The following CNBD1 variants were observed in gnomAD, a reference collection of about 807,000 sequenced individuals.
CNBD1 encodes cyclic nucleotide-binding domain-containing protein 1.
In CNBD1, 71 loss-of-function variants were observed where a neutral mutation model predicts 54.4. The observed-to-expected ratio is 1.30, with a 90% confidence interval of 1.08 to 1.59. The LOEUF (loss-of-function observed/expected upper bound fraction) is 1.59. Ranked by LOEUF, CNBD1 falls within the 40% of genes most tolerant of loss-of-function variation. The pLI is 0.00. For synonymous variants in CNBD1, 182 were observed against 170.7 expected, an observed-to-expected ratio of 1.07 and a Z score of -0.51; for missense variants, 659 against 518.0, an observed-to-expected ratio of 1.27 and a Z score of -2.64.
chr8:87,351,746 C>T lies in CNBD1; in HGVS notation c.1104C>T (p.Asn368=). 1 of 1,531,140 alleles carries T rather than the reference C, an allele frequency of 6.5e-7. No individual in the cohort carries two copies. Among genetic ancestry groups the T allele is most frequent in the Non-Finnish European group, 8.7e-7 (1 of 1,144,404 alleles). 94.8% of individuals were successfully genotyped at this position (1,531,140 alleles called of 1,614,324 possible). A position where few individuals can be genotyped will look rare whatever the true frequency, so the allele number is the denominator to read the frequency against. The part of the protein sequence containing the change: ...FVGYINSGCC[N]IYRSIIGFVK... ...GTTATATTAACTCTGGATGCTGTAA[C>T]ATTTATAGAAGTATTATAGGATTTG... The change falls in exon 9 of 11, where the codon AAC becomes AAT. Residue 368 remains asparagine, a synonymous_variant. Transcript: ENST00000518476.
At chr8:87,282,142 A>G (rs1424309312) in intron 6 of CNBD1, among the ~76,000 whole-genome samples, 1 of 151,634 alleles carries the variant, frequency 6.6e-6, no homozygotes. Context: ...CAACTTGTAT[A>G]TAATTAAATT....
rs1180726631 is a variant in CNBD1, at chr8:87,236,956, C to G, written c.615C>G (p.Gly205=). The change falls in exon 6 of 11, where the codon GGC becomes GGG. Residue 205 remains glycine, a synonymous_variant. Transcript: ENST00000518476. ...ATGGATTTTATGTAATACTGAAAGG[C>G]CTAGCTCGACCTCAAACAAACGTGT... is the stretch of plus-strand genomic sequence containing the variant. ...ANDGFYVILK[G]LARPQTNVYK... 1 of 1,610,234 alleles carries G rather than the reference C, an allele frequency of 6.2e-7. No homozygotes were observed.
At chr8:87,048,281 T>A (rs965305991) in intron 4 of CNBD1, among the ~76,000 whole-genome samples, 1 of 152,200 alleles carries the variant, frequency 6.6e-6, no homozygotes, top group African/African-American at 2.4e-5. Flanking sequence ...TATATTTAGC[T>A]AATTCAGAAG....
At chr8:87,420,164 A>G (rs984598938) in intron 2 of CNBD1, among the ~76,000 whole-genome samples, 1 of 151,472 alleles carries the variant, frequency 6.6e-6, no homozygotes, top group African/African-American at 2.4e-5. Context: ...CTTAGTTTTA[A>G]TTTTTTTTGC....
intron 4 of CNBD1, among the ~76,000 whole-genome samples, chr8:87,040,350 A>T (rs1368795608): frequency 6.6e-6 from 1 of 152,104 alleles, no homozygotes; most frequent in Non-Finnish European, 1.5e-5. Context: ...TTTCAGTTAC[A>T]ATTTTGCAAT....
At chr8:87,391,216 A>G (rs934759836) in intron 2 of CNBD1, among the ~76,000 whole-genome samples, 3 of 152,108 alleles carry the variant, frequency 2.0e-5, no homozygotes, top group Non-Finnish European at 2.9e-5. Context: ...CGTTGTGCAC[A>G]TGTACCCTAA....
intron 2 of CNBD1, among the ~76,000 whole-genome samples, chr8:87,424,442 T>C (rs1476785281): frequency 6.6e-6 from 1 of 152,226 alleles, no homozygotes; most frequent in African/African-American, 2.4e-5. Flanking sequence ...TACACACTGC[T>C]TTGAATGCGT....
chr8:87,423,227 A>C (rs1200634542), intron 2 of CNBD1, among the ~76,000 whole-genome samples: 4 of 152,082 alleles, frequency 2.6e-5, no homozygotes, highest in South Asian at 2.1e-4. Flanking sequence ...GCAAACAGGG[A>C]CAATTTGACT....
At chr8:87,128,832 C>A (rs1305160334) in intron 4 of CNBD1, among the ~76,000 whole-genome samples, 3 of 150,708 alleles carry the variant, frequency 2.0e-5, no homozygotes, top group Non-Finnish European at 4.4e-5. Context: ...GCCTTTAATC[C>A]TAGCACTTTG....
chr8:87,390,267 GAGCTTCTGCAC>G (rs1301331873), intron 2 of CNBD1, among the ~76,000 whole-genome samples: 6 of 152,084 alleles, frequency 3.9e-5, no homozygotes, highest in Admixed American at 3.9e-4. Context: ...GTAAACTAAA[GAGCTTCTGCAC>G]AGCAAAAGAA....
intron 1 of CNBD1, among the ~76,000 whole-genome samples, chr8:86,880,812 A>G (rs1808596598): frequency 6.6e-6 from 1 of 152,194 alleles, no homozygotes; most frequent in African/African-American, 2.4e-5. Flanking sequence ...GCAGCACATC[A>G]AAAGCTTATC....
At chr8:87,223,109 A>G (rs928511337) in intron 5 of CNBD1, among the ~76,000 whole-genome samples, 1 of 150,456 alleles carries the variant, frequency 6.6e-6, no homozygotes, top group South Asian at 2.1e-4. Context: ...AGACTTACAT[A>G]AAAACCCCTG....
At chr8:87,410,041 G>A (rs956421547) in intron 2 of CNBD1, among the ~76,000 whole-genome samples, 3 of 151,802 alleles carry the variant, frequency 2.0e-5, no homozygotes, top group Non-Finnish European at 4.4e-5. Flanking sequence ...AAAGAATTAA[G>A]TTAAATTTAT....
At chr8:87,240,083 C>G (rs1303284728) in intron 6 of CNBD1, among the ~76,000 whole-genome samples, 2 of 151,438 alleles carry the variant, frequency 1.3e-5, no homozygotes, top group Admixed American at 1.3e-4. Flanking sequence ...CACACACACA[C>G]ACACACACAC....
chr8:87,103,034 T>C (rs956051779), intron 4 of CNBD1, among the ~76,000 whole-genome samples: 13 of 152,138 alleles, frequency 8.5e-5, no homozygotes, highest in African/African-American at 3.1e-4. Context: ...TTTACTAAGA[T>C]AGAATGCTTA....
chr8:87,121,720 TG>T (rs1811894394), intron 4 of CNBD1, among the ~76,000 whole-genome samples: 2 of 151,890 alleles, frequency 1.3e-5, no homozygotes, highest in South Asian at 4.1e-4. Flanking sequence ...TCTACTTCTA[TG>T]AGTTCAACTT....
rs141297425 is a variant in CNBD1 at position 87,079,589 on chromosome 8, G to A, written c.432-126404G>A. ...AATCCTTGATATTGAGAATCTTTTC[G>A]TGGACATATTGACATTTGTATATTT... is the stretch of plus-strand genomic sequence containing the variant. On this transcript the variant is annotated intron_variant, in intron 4 of 10. Transcript: ENST00000518476. 4.4e-4 allele frequency among the ~76,000 whole-genome samples: 67 copies of A among 152,030 alleles called. 1 individual carries two copies. Among genetic ancestry groups the A allele is most frequent in the African/African-American group, 1.4e-3 (59 of 41,498 alleles).
At chr8:87,371,647 G>A (rs928341489) in intron 10 of CNBD1, among the ~76,000 whole-genome samples, 51 of 152,016 alleles carry the variant, frequency 3.4e-4, no homozygotes, top group African/African-American at 1.2e-3. Context: ...CTATGATCAA[G>A]TGGGCTTCAT....
intron 3 of CNBD1, among the ~76,000 whole-genome samples, chr8:86,930,175 G>A (rs1002868730): frequency 1.1e-4 from 17 of 152,286 alleles, no homozygotes; most frequent in Middle Eastern, 3.4e-3. Context: ...AAGAACCCCC[G>A]CAACTGTTTT....
Sources: allele counts gnomAD v4.1 joint callset (sites outside exome capture counted in the v4.1 genomes callset), GRCh38; gene constraint gnomAD v4.1.1; transcripts MANE v1.5; gene names NCBI Gene and HGNC (gene_info 2026-07-23, HGNC 2026-07-21).